VCF1: variants seen among roughly 807,000 people sequenced by gnomAD.
The protein encoded by VCF1 is protein VCF1.
chr17:73,220,960 G>A, the VCF1 span, among the ~76,000 whole-genome samples: 1 of 133,628 alleles, frequency 7.5e-6, no homozygotes, highest in South Asian at 2.3e-4. Context: ...GTGCAGTGGT[G>A]CAATCTCAGC....
the VCF1 span, among the ~76,000 whole-genome samples, chr17:73,223,176 G>A: frequency 6.6e-6 from 1 of 152,138 alleles, no homozygotes; most frequent in Non-Finnish European, 1.5e-5. Context: ...AATTAGCAGG[G>A]TGTGGTGGCA....
At chr17:73,208,344 G>A in the VCF1 span, 14 of 1,613,970 alleles carry the variant, frequency 8.7e-6, no homozygotes, top group Admixed American at 2.0e-4. Context: ...CACAGCTGGT[G>A]ACCCGACAGT....
At chr17:73,212,300 A>T in the VCF1 span, among the ~76,000 whole-genome samples, 8 of 152,246 alleles carry the variant, frequency 5.3e-5, no homozygotes, top group African/African-American at 1.9e-4. Flanking sequence ...AATGAAAACA[A>T]GCAATGTTCA....
chr17:73,208,512 C>G, the VCF1 span: 1 of 1,569,856 alleles, frequency 6.4e-7, no homozygotes. Context: ...TCTAAAGGTG[C>G]CTCTGCTCAT....
At chr17:73,219,631 C>T in the VCF1 span, among the ~76,000 whole-genome samples, 3 of 147,486 alleles carry the variant, frequency 2.0e-5, no homozygotes, top group African/African-American at 7.5e-5. Context: ...GCCTGGGCAA[C>T]AGAGCGAGAC....
the VCF1 span, among the ~76,000 whole-genome samples, chr17:73,217,360 A>G: frequency 1.9e-4 from 29 of 151,506 alleles, no homozygotes; most frequent in Non-Finnish European, 2.9e-5. Context: ...CTCAATTAAA[A>G]AAAAAAAAAA....
At chr17:73,219,537 C>T in the VCF1 span, among the ~76,000 whole-genome samples, 749 of 151,482 alleles carry the variant, frequency 4.9e-3, 6 homozygotes, top group African/African-American at 0.017. Flanking sequence ...GTAGTTCCAG[C>T]TACTCGGGAG....
chr17:73,207,839 A>G, the VCF1 span: 3 of 1,268,568 alleles, frequency 2.4e-6, no homozygotes, highest in South Asian at 3.9e-5. Flanking sequence ...ACACAATATT[A>G]GCAGTGTATC....
At chr17:73,212,638 T>C in the VCF1 span, 2 of 1,535,774 alleles carry the variant, frequency 1.3e-6, no homozygotes, top group Non-Finnish European at 1.8e-6. Flanking sequence ...GAATCATGAA[T>C]ATTTAACAAA....
the VCF1 span, chr17:73,212,708 G>A: frequency 3.1e-6 from 5 of 1,594,848 alleles, no homozygotes; most frequent in Non-Finnish European, 4.3e-6. Flanking sequence ...CTCTTAGTCT[G>A]TTTTCTTTAC....
At chr17:73,231,975 A>C in the VCF1 span, 26 of 1,212,228 alleles carry the variant, frequency 2.1e-5, no homozygotes, top group East Asian at 6.1e-4. Flanking sequence ...TGCACCCCAC[A>C]GGGAGCCCCG....
the VCF1 span, chr17:73,209,434 TCG>T: frequency 6.3e-6 from 9 of 1,439,884 alleles, no homozygotes; most frequent in South Asian, 3.9e-5. Flanking sequence ...CAGGCATTTT[TCG>T]TGTGCAATTT....
chr17:73,231,189 C>A, the VCF1 span, among the ~76,000 whole-genome samples: 1 of 152,156 alleles, frequency 6.6e-6, no homozygotes, highest in Non-Finnish European at 1.5e-5. Flanking sequence ...CAAATAAACT[C>A]AGAATACTTT....
the VCF1 span, among the ~76,000 whole-genome samples, chr17:73,231,579 T>C: frequency 6.6e-6 from 1 of 152,210 alleles, no homozygotes; most frequent in African/African-American, 2.4e-5. Flanking sequence ...CATCTGCCCT[T>C]CTGTGTTCAC....
At chr17:73,222,947 T>TA in the VCF1 span, among the ~76,000 whole-genome samples, 1 of 152,186 alleles carries the variant, frequency 6.6e-6, no homozygotes, top group African/African-American at 2.4e-5. Context: ...CTCTGCCTCT[T>TA]ACTAGCTGTG....
chr17:73,225,878 AT>A, the VCF1 span, among the ~76,000 whole-genome samples: 5 of 95,608 alleles, frequency 5.2e-5, no homozygotes, highest in East Asian at 3.0e-4. Context: ...ATATATATAT[AT>A]ATAATATATA....
chr17:73,208,168 A>G, the VCF1 span: 9 of 1,537,898 alleles, frequency 5.9e-6, no homozygotes, highest in South Asian at 1.1e-4. Context: ...ATCTGGACCG[A>G]CAGCAAAGTC....
chr17:73,213,880 G>C, the VCF1 span, among the ~76,000 whole-genome samples: 1 of 152,158 alleles, frequency 6.6e-6, no homozygotes, highest in African/African-American at 2.4e-5. Context: ...TGAGACAGCA[G>C]AATCGCTTGA....
chr17:73,216,115 T>C, the VCF1 span, among the ~76,000 whole-genome samples: 2 of 152,052 alleles, frequency 1.3e-5, no homozygotes, highest in Non-Finnish European at 2.9e-5. Flanking sequence ...CCTAGGAATC[T>C]GTGGGAGATG....
Sources: gnomAD v4.1 joint callset for allele counts (sites outside exome capture counted in the v4.1 genomes callset) on GRCh38, gnomAD v4.1.1 for gene constraint, MANE v1.5 for transcripts, NCBI Gene and HGNC (gene_info 2026-07-23, HGNC 2026-07-21) for gene names.